UNC5C: variants seen among roughly 807,000 people sequenced by gnomAD.
The protein encoded by UNC5C is unc-5 netrin receptor C, also known as netrin receptor UNC5C.
UNC5C carries 47 observed loss-of-function variants against 99.8 expected under a neutral mutation model. The ratio of observed to expected loss-of-function variants is 0.47; its 90% CI spans 0.37 to 0.60. The LOEUF (loss-of-function observed/expected upper bound fraction) is 0.60, where lower values mean the gene tolerates loss of function less well. Ranked by LOEUF, UNC5C falls within the 20% of genes least tolerant of loss-of-function variation. The probability of loss-of-function intolerance (pLI) is 0.00; values close to 1 mark genes in which losing one functional copy is unlikely to be tolerated. For synonymous variants in UNC5C, 487 were observed against 452.2 expected (o/e 1.08, Z -0.98); for missense variants, 1,062 against 1,165.9 (o/e 0.91, Z 1.30).
chr4:95,447,134 A>G (rs1015010911), intron 1 of UNC5C, among the ~76,000 whole-genome samples: 16 of 152,218 alleles, frequency 1.1e-4, no homozygotes, highest in African/African-American at 3.4e-4. Context: ...TTAGATCTGA[A>G]TCTATTTTGT....
intron 1 of UNC5C, among the ~76,000 whole-genome samples, chr4:95,507,450 A>T (rs1721954719): frequency 6.6e-6 from 1 of 152,008 alleles, no homozygotes; most frequent in Non-Finnish European, 1.5e-5. Context: ...ACAGTGTTGC[A>T]TGTCATCATT....
At chr4:95,191,371 CTATT>C (rs1471319904) in intron 12 of UNC5C, among the ~76,000 whole-genome samples, 1 of 152,138 alleles carries the variant, frequency 6.6e-6, no homozygotes, top group Non-Finnish European at 1.5e-5. Context: ...TGAAGTATAT[CTATT>C]AGAGTATGAC....
chr4:95,548,465 A>T (rs991085738), intron 1 of UNC5C, among the ~76,000 whole-genome samples: 4 of 151,978 alleles, frequency 2.6e-5, no homozygotes, highest in Non-Finnish European at 5.9e-5. Flanking sequence ...TCCCACACGT[A>T]TGGAGACGGA....
chr4:95,199,091 A>C (rs931681123), intron 12 of UNC5C, among the ~76,000 whole-genome samples: 1 of 152,012 alleles, frequency 6.6e-6, no homozygotes, highest in African/African-American at 2.4e-5. Context: ...GAAGAGCATG[A>C]GCGTGAGTCA....
intron 1 of UNC5C, among the ~76,000 whole-genome samples, chr4:95,472,771 A>G (rs1205717496): frequency 6.6e-6 from 1 of 152,096 alleles, no homozygotes. Flanking sequence ...CTCAAACAGA[A>G]ACACTGTTCA....
chr4:95,407,857 T>C (rs1241413450), intron 1 of UNC5C, among the ~76,000 whole-genome samples: 4 of 151,926 alleles, frequency 2.6e-5, no homozygotes, highest in African/African-American at 7.3e-5. Context: ...CAGGGTGAAA[T>C]TGCAATTTGC....
chr4:95,407,736 G>T (rs1403189328), intron 1 of UNC5C, among the ~76,000 whole-genome samples: 1 of 152,136 alleles, frequency 6.6e-6, no homozygotes, highest in Admixed American at 6.5e-5. Context: ...AATAACATTT[G>T]TACAACCAAG....
rs984603513 is a variant in UNC5C at position 95,263,837 on chromosome 4, A to G, written c.595-13170T>C. Among the ~76,000 whole-genome samples, 6 of 152,354 alleles carry G rather than the reference A, an allele frequency of 3.9e-5. 2 individuals are homozygous for G. Among genetic ancestry groups the G allele is most frequent in the Middle Eastern group, 6.8e-3 (2 of 294 alleles). ...TTCTGTATAACTCTGAGCTGGTGTT[A>G]TGGTGATTTCTTCACATAGTAAATA... On this transcript the variant is annotated intron_variant, in intron 4 of 15. Coordinates refer to ENST00000453304, the MANE Select transcript of UNC5C (RefSeq NM_003728.4).
rs1735936408 is a variant in UNC5C, at chr4:95,168,263, T to TA, written c.*970dup. Reference sequence around the variant, plus strand: ...TTTCTGGGGTGGAATAAGGGAAAGGTAAAAGGTCAAGGAAGTGATGCATGT... The same window carrying TA: ...TTTCTGGGGTGGAATAAGGGAAAGGTAAAAAGGTCAAGGAAGTGATGCATGT... On this transcript the variant is annotated 3_prime_UTR_variant, in exon 16 of 16. Coordinates refer to ENST00000453304, the MANE Select transcript of UNC5C (RefSeq NM_003728.4). 6.6e-6 allele frequency: 1 copy of TA among 152,064 alleles called. No homozygotes were observed. Among genetic ancestry groups the TA allele is most frequent in the South Asian group, 2.1e-4 (1 of 4,818 alleles). The allele number at this position is 152,064 out of a possible 1,614,324, so 9.4% of individuals were successfully genotyped here. A position where few individuals can be genotyped will look rare whatever the true frequency, so the allele number is the denominator to read the frequency against.
chr4:95,393,770 A>G (rs1745426102), intron 1 of UNC5C, among the ~76,000 whole-genome samples: 3 of 152,060 alleles, frequency 2.0e-5, no homozygotes, highest in Admixed American at 2.0e-4. Context: ...ATGTTTTATT[A>G]CAGTGAGCTG....
At chr4:95,349,602 A>AAAAT (rs1156466830) in intron 1 of UNC5C, among the ~76,000 whole-genome samples, 1 of 151,702 alleles carries the variant, frequency 6.6e-6, no homozygotes, top group Non-Finnish European at 1.5e-5. Flanking sequence ...ATAGAGAAAT[A>AAAAT]AAATATTCCC....
In UNC5C at chr4:95,238,262, T is replaced by A. The variant is rs550687376; in HGVS notation, c.1108+4167A>T. Among the ~76,000 whole-genome samples, 23 of 152,268 alleles carry A rather than the reference T, an allele frequency of 1.5e-4. 1 individual carries two copies. The East Asian group carries it at 4.1e-3, about 27-fold the overall frequency. ...TGTAGCTTTATTTCCACCATCTCAT[T>A]TATTGTTTTAATTTACTAGTTTTCC... On this transcript the variant is annotated intron_variant, in intron 7 of 15. Transcript: ENST00000453304.
chr4:95,324,951 C>T (rs1417448618), intron 2 of UNC5C, among the ~76,000 whole-genome samples: 2 of 152,202 alleles, frequency 1.3e-5, no homozygotes. Context: ...TTAACACTTT[C>T]TCCAAAACGG....
At chr4:95,242,732 CTGGGAACTGCA>C (rs3832270) in intron 6 of UNC5C, 139 bp from the exon 7 acceptor site, 328,949 of 996,732 alleles carry the variant, frequency 0.33, 56,851 homozygotes, top group East Asian at 0.58. Context: ...ATTTCAATTG[CTGGGAACTGCA>C]TGTTCTACAT....
At chr4:95,258,746 C>CTTTTTTTT (rs775570031) in intron 4 of UNC5C, among the ~76,000 whole-genome samples, 14 of 76,040 alleles carry the variant, frequency 1.8e-4, no homozygotes, top group Non-Finnish European at 2.2e-4. Context: ...CCATCTTATT[C>CTTTTTTTT]TTTTTTTTTT....
chr4:95,323,765 C>A (rs1165491162), intron 2 of UNC5C, among the ~76,000 whole-genome samples: 4 of 152,114 alleles, frequency 2.6e-5, no homozygotes, highest in African/African-American at 9.7e-5. Flanking sequence ...GGGTCAGGTG[C>A]GGTGGCTCAT....
intron 1 of UNC5C, among the ~76,000 whole-genome samples, chr4:95,471,995 T>C (rs529283057): frequency 2.6e-4 from 39 of 152,286 alleles, no homozygotes; most frequent in Middle Eastern, 3.4e-3. Flanking sequence ...GGATGTTTTC[T>C]GTTTATTTTG....
intron 1 of UNC5C, among the ~76,000 whole-genome samples, chr4:95,338,306 C>T (rs983486161): frequency 3.3e-5 from 5 of 152,030 alleles, no homozygotes; most frequent in African/African-American, 1.2e-4. Context: ...TTTTAGAAAT[C>T]ATCTTTTTAC....
chr4:95,343,915 G>A (rs923502426), intron 1 of UNC5C, among the ~76,000 whole-genome samples: 6 of 151,758 alleles, frequency 4.0e-5, no homozygotes, highest in African/African-American at 1.5e-4. Context: ...AAAAGAATGA[G>A]AAAAAAATGA....
Sources: allele counts gnomAD v4.1 joint callset (sites outside exome capture counted in the v4.1 genomes callset), GRCh38; gene constraint gnomAD v4.1.1; transcripts MANE v1.5; gene names NCBI Gene and HGNC (gene_info 2026-07-23, HGNC 2026-07-21).